The following ASIC2 variants were observed in gnomAD, a reference collection of about 807,000 sequenced individuals.
ASIC2 encodes acid sensing ion channel subunit 2, also known as acid-sensing ion channel 2.
A neutral mutation model predicts 57.3 loss-of-function variants in ASIC2; 25 were observed. That is an observed-to-expected ratio of 0.44 (90% confidence interval 0.32 to 0.61). The LOEUF (loss-of-function observed/expected upper bound fraction) is 0.61, where lower values mean the gene tolerates loss of function less well. Ranked by LOEUF, ASIC2 falls within the 20% of genes least tolerant of loss-of-function variation. The pLI, the probability that ASIC2 is intolerant of heterozygous loss-of-function variation, is 0.06. For synonymous variants in ASIC2, 319 were observed against 307.5 expected, an observed-to-expected ratio of 1.04 and a Z score of -0.39; for missense variants, 641 against 738.1, an observed-to-expected ratio of 0.87 and a Z score of 1.52.
At chr17:33,927,708 G>A (rs974814320) in intron 1 of ASIC2, among the ~76,000 whole-genome samples, 1 of 152,196 alleles carries the variant, frequency 6.6e-6, no homozygotes, top group Non-Finnish European at 1.5e-5. Context: ...GAGGCTCAGG[G>A]AGGTTAGATC....
intron 1 of ASIC2, among the ~76,000 whole-genome samples, chr17:33,128,869 A>G (rs1197399795): frequency 6.6e-6 from 1 of 152,210 alleles, no homozygotes; most frequent in Non-Finnish European, 1.5e-5. Flanking sequence ...ATCTGCCCTT[A>G]TTCCAGGGAC....
chr17:33,044,475 C>A (rs4794935), intron 3 of ASIC2, among the ~76,000 whole-genome samples: 41,777 of 152,060 alleles, frequency 0.27, 7,063 homozygotes, highest in African/African-American at 0.48. Context: ...TGGCTTCAAG[C>A]GATTCTCCTG....
At chr17:33,457,427 G>T (rs1039071602) in intron 1 of ASIC2, among the ~76,000 whole-genome samples, 2 of 152,038 alleles carry the variant, frequency 1.3e-5, no homozygotes, top group Admixed American at 1.3e-4. Context: ...GGTGGCAAGC[G>T]ACTAGGCAAA....
chr17:33,646,298 A>C (rs1906737224), intron 1 of ASIC2, among the ~76,000 whole-genome samples: 1 of 152,206 alleles, frequency 6.6e-6, no homozygotes, highest in Non-Finnish European at 1.5e-5. Flanking sequence ...GATTGTGGGC[A>C]TAAGACTTGG....
At chr17:33,199,514 T>C (rs945703422) in intron 1 of ASIC2, among the ~76,000 whole-genome samples, 5 of 152,220 alleles carry the variant, frequency 3.3e-5, no homozygotes, top group Non-Finnish European at 7.3e-5. Flanking sequence ...TACTGGCTCC[T>C]GCATAAAACA....
At chr17:33,298,859 A>G (rs1324178519) in intron 1 of ASIC2, among the ~76,000 whole-genome samples, 1 of 152,226 alleles carries the variant, frequency 6.6e-6, no homozygotes, top group Non-Finnish European at 1.5e-5. Context: ...AGCGAATAAA[A>G]TACCTAGGAA....
intron 1 of ASIC2, among the ~76,000 whole-genome samples, chr17:33,135,672 G>C (rs1190365585): frequency 6.6e-6 from 1 of 152,224 alleles, no homozygotes; most frequent in Non-Finnish European, 1.5e-5. Context: ...GTTGACAAGG[G>C]AGGCCCTGTG....
intron 1 of ASIC2, among the ~76,000 whole-genome samples, chr17:33,727,291 TC>T (rs562695515): frequency 4.5e-4 from 68 of 152,304 alleles, no homozygotes; most frequent in African/African-American, 1.6e-3. Context: ...CAACACAGGA[TC>T]CCATGTCTAT....
intron 1 of ASIC2, among the ~76,000 whole-genome samples, chr17:33,303,830 C>T (rs1906061565): frequency 6.6e-6 from 1 of 152,112 alleles, no homozygotes; most frequent in Non-Finnish European, 1.5e-5. Context: ...TCTCAGCAGC[C>T]TATGGCACTA....
upstream of ASIC2, among the ~76,000 whole-genome samples, chr17:33,294,026 C>G (rs11871905): frequency 1.3e-5 from 2 of 152,116 alleles, no homozygotes; most frequent in South Asian, 2.1e-4. Context: ...TTAGGGACAT[C>G]CCATGTGTGT....
intron 1 of ASIC2, among the ~76,000 whole-genome samples, chr17:34,034,327 A>C (rs1440498344): frequency 2.6e-5 from 4 of 152,082 alleles, no homozygotes; most frequent in African/African-American, 9.7e-5. Context: ...CATGCTAAAA[A>C]CTCTCAATAA....
intron 1 of ASIC2, among the ~76,000 whole-genome samples, chr17:33,568,001 TC>T (rs1916298617): frequency 6.6e-6 from 1 of 152,240 alleles, no homozygotes; most frequent in Non-Finnish European, 1.5e-5. Context: ...ATCCTTCTTT[TC>T]ATTACCTTAC....
chr17:33,056,048 G>A (rs909758984), intron 3 of ASIC2, among the ~76,000 whole-genome samples: 4 of 152,226 alleles, frequency 2.6e-5, no homozygotes, highest in Non-Finnish European at 4.4e-5. Flanking sequence ...GCTGGAGCTA[G>A]GTTGAGAACC....
chr17:33,089,878 C>A (rs2092150593), intron 2 of ASIC2, among the ~76,000 whole-genome samples: 1 of 152,134 alleles, frequency 6.6e-6, no homozygotes. Context: ...CGGTACAGAG[C>A]CATCATCCTA....
intron 1 of ASIC2, among the ~76,000 whole-genome samples, chr17:33,747,968 T>C (rs1910317542): frequency 6.6e-6 from 1 of 152,262 alleles, no homozygotes; most frequent in African/African-American, 2.4e-5. Context: ...ACATTCTGCA[T>C]TCTCAGGTGG....
intron 1 of ASIC2, among the ~76,000 whole-genome samples, chr17:33,419,737 C>T (rs568468385): frequency 1.3e-5 from 2 of 152,218 alleles, no homozygotes; most frequent in South Asian, 4.1e-4. Context: ...CAGGAAGCAA[C>T]TTAAATTTCC....
chr17:33,403,946 G>T (rs1210418047), intron 1 of ASIC2, among the ~76,000 whole-genome samples: 1 of 152,158 alleles, frequency 6.6e-6, no homozygotes. Flanking sequence ...GAGACCCATG[G>T]ACTTGTTAAT....
chr17:33,937,950 G>A (rs12939692), intron 1 of ASIC2, among the ~76,000 whole-genome samples: 2 of 152,172 alleles, frequency 1.3e-5, no homozygotes, highest in Non-Finnish European at 2.9e-5. Flanking sequence ...GATGACTTGG[G>A]GTTTCCAGAG....
chr17:33,791,904 C>T (rs1245100225), intron 1 of ASIC2: 1 of 152,154 alleles, frequency 6.6e-6, no homozygotes, highest in Non-Finnish European at 1.5e-5. Context: ...AACTCCTGGG[C>T]TCAGGCGATC....
Sources: allele counts gnomAD v4.1 joint callset (sites outside exome capture counted in the v4.1 genomes callset), GRCh38; gene constraint gnomAD v4.1.1; transcripts MANE v1.5; gene names NCBI Gene and HGNC (gene_info 2026-07-23, HGNC 2026-07-21).